Variants in NEB observed in about 807,000 individuals in gnomAD.
NEB encodes the protein nebulin.
Under a neutral mutation model 952.2 loss-of-function variants are expected in NEB, and 512 were observed. The observed-to-expected ratio is 0.54, with a 90% confidence interval of 0.50 to 0.58. The LOEUF (loss-of-function observed/expected upper bound fraction) is 0.58. NEB is among the 20% of genes least tolerant of loss of function. The pLI, the probability that NEB is intolerant of heterozygous loss-of-function variation, is 0.00. For synonymous variants in NEB, 2,900 were observed against 3,149.8 expected (o/e 0.92, Z 2.66); for missense variants, 8,428 against 9,231.1 (o/e 0.91, Z 3.56).
intron 12 of NEB, among the ~76,000 whole-genome samples, chr2:151,708,007 C>T (rs1049919065): frequency 1.3e-5 from 2 of 152,182 alleles, no homozygotes; most frequent in African/African-American, 2.4e-5. Context: ...TCCCCCTACC[C>T]GCATCTGGGA....
intron 11 of NEB, among the ~76,000 whole-genome samples, 175 bp downstream of exon 11, chr2:151,710,259 G>A (rs1447476629): frequency 6.6e-6 from 1 of 152,186 alleles, no homozygotes; most frequent in African/African-American, 2.4e-5. Context: ...TTTCTCAAAA[G>A]GAAAGAGAGT....
intron 162 of NEB, 106 bp downstream of exon 162, chr2:151,507,899 G>T: frequency 2.7e-6 from 2 of 750,738 alleles, no homozygotes; most frequent in South Asian, 1.5e-5. Context: ...TGGGAGTTGT[G>T]GAGGGCTGCA....
At chr2:151,577,596 T>C (rs2096921040) in intron 105 of NEB, among the ~76,000 whole-genome samples, 1 of 152,202 alleles carries the variant, frequency 6.6e-6, no homozygotes, top group South Asian at 2.1e-4. Flanking sequence ...TTTGTTTGCC[T>C]TTGAGACGGA....
chr2:151,527,336 C>T (rs2086857583), intron 147 of NEB, 145 bp downstream of exon 147: 9 of 723,022 alleles, frequency 1.2e-5, no homozygotes, highest in South Asian at 6.1e-5. Context: ...GCTCGCCTAT[C>T]GCTCCCCCAA....
At chr2:151,540,537 A>ATG in intron 137 of NEB, 89 bp from the exon 138 acceptor site, 1 of 1,150,198 alleles carries the variant, frequency 8.7e-7, no homozygotes, top group Middle Eastern at 1.9e-4. Flanking sequence ...GAGGGGCACA[A>ATG]TGTGTTACAC....
chr2:151,546,432 T>C lies in NEB; in HGVS notation c.20379A>G (p.Lys6793=). ...ATCCCTTCAGGACCTGCAAGTCCTC[T>C]TTGTATTTAATCTGAGAGGCAAACA... The part of the protein sequence containing the change: ...VGDITSDIKY[K]EDLQVLKGFG... Residue 6793 remains lysine, a synonymous_variant, in exon 134 of 182, where the codon AAA becomes AAG. Coordinates refer to ENST00000397345, the MANE Select transcript of NEB (RefSeq NM_001164508.2). 6.2e-7 allele frequency: 1 copy of C among 1,612,006 alleles called. No homozygotes were observed. The highest frequency in any genetic ancestry group is 2.2e-5 in the East Asian group (1 of 44,858).
In NEB at chr2:151,680,886, T is replaced by C. The variant is rs551680049; in HGVS notation, c.2944-58A>G. The C allele has an allele frequency of 9.1e-5, 118 of 1,293,962 alleles. No homozygotes were observed. The African/African-American group carries it at 1.6e-3, about 18-fold the overall frequency. The allele number at this position is 1,293,962 out of a possible 1,614,324, so 80.2% of individuals were successfully genotyped here. On this transcript the variant is annotated intron_variant, in intron 29 of 181. Coordinates refer to ENST00000397345, the MANE Select transcript of NEB (RefSeq NM_001164508.2). ...TTGTTTTCCACTGAAGATTAATACGTCAAAATCCTTGAAATTTATTTTGAA... is the reference window on the plus strand; with the variant it reads ...TTGTTTTCCACTGAAGATTAATACGCCAAAATCCTTGAAATTTATTTTGAA...
In NEB at chr2:151,561,079, A is replaced by G. The variant is rs2096009904; in HGVS notation, c.19131T>C (p.Ile6377=). The change falls in exon 123 of 182, where the codon ATT becomes ATC. Residue 6377 remains isoleucine, a synonymous_variant. Coordinates refer to ENST00000397345, the MANE Select transcript of NEB (RefSeq NM_001164508.2). ...CTAGAACTGTTGTGTATTTGTCCTTAATCTGATGATAATTTTCTTTATATT... is the reference window on the plus strand; with the variant it reads ...CTAGAACTGTTGTGTATTTGTCCTTGATCTGATGATAATTTTCTTTATATT... The part of the protein sequence containing the change: ...EVKYKENYHQ[I]KDKYTTVLET... 6.3e-7 allele frequency: 1 copy of G among 1,599,264 alleles called. No individual in the cohort carries two copies. Among genetic ancestry groups the G allele is most frequent in the African/African-American group, 1.3e-5 (1 of 74,286 alleles).
intron 128 of NEB, among the ~76,000 whole-genome samples, chr2:151,552,155 C>G (rs957251276): frequency 6.6e-6 from 1 of 152,190 alleles, no homozygotes; most frequent in African/African-American, 2.4e-5. Flanking sequence ...AAAGAAAGAG[C>G]AGCTTTGTGC....
intron 76 of NEB, 48 bp downstream of exon 76, chr2:151,615,954 T>G (rs2098179789): frequency 7.2e-7 from 1 of 1,387,978 alleles, no homozygotes; most frequent in African/African-American, 1.4e-5. Flanking sequence ...AGCTTCTATT[T>G]GTCAACATCT....
intron 158 of NEB, 144 bp from the exon 159 acceptor site, chr2:151,514,572 C>T (rs1021328771): frequency 4.3e-6 from 3 of 696,554 alleles, no homozygotes; most frequent in Non-Finnish European, 7.5e-6. Context: ...AGGGTATAAG[C>T]ATGATCAGTT....
intron 50 of NEB, 55 bp downstream of exon 50, chr2:151,655,762 G>A (rs1390626369): frequency 9.0e-6 from 14 of 1,562,278 alleles, no homozygotes; most frequent in South Asian, 7.8e-5. Flanking sequence ...AAGAACCAGA[G>A]CCTGCTAGCC....
chr2:151,514,491 A>C (rs997375311), intron 158 of NEB, 63 bp from the exon 159 acceptor site: 10 of 1,292,124 alleles, frequency 7.7e-6, no homozygotes, highest in Non-Finnish European at 1.1e-5. Flanking sequence ...TCTCAGGCAA[A>C]GAAGAAAATA....
intron 20 of NEB, among the ~76,000 whole-genome samples, chr2:151,693,415 C>T (rs2099573380): frequency 6.6e-6 from 1 of 151,884 alleles, no homozygotes; most frequent in African/African-American, 2.4e-5. Flanking sequence ...TGATGTTCTC[C>T]CGCCTCCCCC....
At chr2:151,526,512 C>T (rs1367534715) in intron 148 of NEB, among the ~76,000 whole-genome samples, 1 of 152,158 alleles carries the variant, frequency 6.6e-6, no homozygotes, top group Non-Finnish European at 1.5e-5. Context: ...ACAGCACGCT[C>T]AGATATGCCA....
At chr2:151,669,855 A>G (rs2099264559) in intron 38 of NEB, among the ~76,000 whole-genome samples, 1 of 152,202 alleles carries the variant, frequency 6.6e-6, no homozygotes, top group Non-Finnish European at 1.5e-5. Flanking sequence ...AGTCCAGATA[A>G]CAGGTTATTG....
chr2:151,494,188 G>C lies in NEB; in HGVS notation c.24552C>G (p.Val8184=), dbSNP rs750690826. 3 of 1,607,902 alleles carry C rather than the reference G, an allele frequency of 1.9e-6. No homozygotes were observed. The South Asian group carries it at 3.3e-5, about 18-fold the overall frequency. The change falls in exon 174 of 182, where the codon GTC becomes GTG. Residue 8184 remains valine, a synonymous_variant. Coordinates refer to ENST00000397345, the MANE Select transcript of NEB (RefSeq NM_001164508.2). ...AGCTAATGTTTTCTTGATTGCGTTT[G>C]ACTCTCTGCATCTCAGGAGTGACAG... The part of the protein sequence containing the change: ...ATPVTPEMQR[V]KRNQENISSV...
chr2:151,524,609 T>C lies in NEB; in HGVS notation c.22280A>G (p.Tyr7427Cys). Residue 7427 changes from tyrosine (Y) to cysteine (C), a missense_variant, in exon 152 of 182, where the codon TAC becomes TGC. Tyr to Cys is a radical substitution (Grantham distance 194). Transcript: ENST00000397345. ...CAGGTTCTCTTTGGCATCTTTTCTG[T>C]AAGCGACCTTTATTGGGGAAGAAAA... ...EVAKKQSDVAYRKDAKENLHY... is the reference protein window; with the variant it reads ...EVAKKQSDVACRKDAKENLHY... 1 of 1,609,640 alleles carries C rather than the reference T, an allele frequency of 6.2e-7. No homozygotes were observed. Among genetic ancestry groups the C allele is most frequent in the Non-Finnish European group, 8.5e-7 (1 of 1,178,264 alleles).
chr2:151,713,835 G>T (rs965075888), intron 10 of NEB, among the ~76,000 whole-genome samples: 8 of 152,174 alleles, frequency 5.3e-5, no homozygotes. Context: ...AAAGGTGAGA[G>T]AATTGATTCT....
Sources: allele counts gnomAD v4.1 joint callset (sites outside exome capture counted in the v4.1 genomes callset), GRCh38; gene constraint gnomAD v4.1.1; transcripts MANE v1.5; gene names NCBI Gene and HGNC (gene_info 2026-07-23, HGNC 2026-07-21).